Variants in NPAS3 observed in about 807,000 individuals in gnomAD.
NPAS3 encodes the protein neuronal PAS domain-containing protein 3.
In NPAS3, 14 loss-of-function variants were observed where a neutral mutation model predicts 73.1. The ratio of observed to expected loss-of-function variants is 0.19; its 90% CI spans 0.13 to 0.30. The LOEUF is 0.30. Among genes scored for constraint, NPAS3 ranks in the 10% least tolerant of loss-of-function variants. The probability of loss-of-function intolerance (pLI) is 1.00; values close to 1 mark genes in which losing one functional copy is unlikely to be tolerated. For synonymous variants in NPAS3, 620 were observed against 541.5 expected, an observed-to-expected ratio of 1.14 and a Z score of -2.01; for missense variants, 1,096 against 1,250.0, an observed-to-expected ratio of 0.88 and a Z score of 1.86.
intron 7 of NPAS3, among the ~76,000 whole-genome samples, chr14:33,765,117 G>A (rs997302316): frequency 6.6e-6 from 1 of 152,154 alleles, no homozygotes; most frequent in Non-Finnish European, 1.5e-5. Flanking sequence ...AGAAGCTAAA[G>A]CTGTAATTAT....
intron 4 of NPAS3, among the ~76,000 whole-genome samples, chr14:33,404,756 G>A (rs747016567): frequency 1.3e-5 from 2 of 152,234 alleles, no homozygotes; most frequent in African/African-American, 4.8e-5. Flanking sequence ...TGACATAGGA[G>A]TTTATGGAGA....
chr14:33,776,521 TAAAAAAAAAAAA>T (rs552348267), intron 8 of NPAS3, among the ~76,000 whole-genome samples: 522 of 31,956 alleles, frequency 0.016, 6 homozygotes, highest in African/African-American at 0.048. Flanking sequence ...TTCTTCCTCT[TAAAAAAAAAAAA>T]AAAAAAAAAA....
chr14:33,273,006 G>T (rs561174949), intron 3 of NPAS3, among the ~76,000 whole-genome samples: 16 of 152,206 alleles, frequency 1.1e-4, no homozygotes, highest in East Asian at 7.8e-4. Flanking sequence ...AAATTACTTG[G>T]TATATTCTTT....
chr14:32,992,831 C>G (rs554124290), intron 1 of NPAS3, among the ~76,000 whole-genome samples: 1 of 151,898 alleles, frequency 6.6e-6, no homozygotes, highest in East Asian at 1.9e-4. Flanking sequence ...ATAGGAAGAC[C>G]GTGATATGGA....
chr14:33,123,924 G>A lies in NPAS3; in HGVS notation c.140+67930G>A, dbSNP rs139501158. Reference sequence around the variant, plus strand: ...TCCCTGAGACTGGAGTGCAGTGGTGGGATCATAGCTCACTGCAATCTCCAC... The same window carrying A: ...TCCCTGAGACTGGAGTGCAGTGGTGAGATCATAGCTCACTGCAATCTCCAC... On this transcript the variant is annotated intron_variant, in intron 2 of 11. Transcript: ENST00000356141. 1.7e-3 allele frequency among the ~76,000 whole-genome samples: 254 copies of A among 149,836 alleles called. 1 individual carries two copies. Among genetic ancestry groups the A allele is most frequent in the African/African-American group, 5.6e-3 (228 of 40,614 alleles).
chr14:33,415,751 G>A (rs1334325694), intron 4 of NPAS3, among the ~76,000 whole-genome samples: 1 of 151,972 alleles, frequency 6.6e-6, no homozygotes, highest in Non-Finnish European at 1.5e-5. Flanking sequence ...CTGTGTTTTT[G>A]ACTCTGCCTG....
intron 3 of NPAS3, among the ~76,000 whole-genome samples, chr14:33,324,728 C>T (rs956236957): frequency 1.3e-5 from 2 of 152,084 alleles, no homozygotes; most frequent in African/African-American, 4.8e-5. Context: ...ATATATGGCT[C>T]TTTTGGTGTC....
chr14:33,732,344 G>A (rs1046605258), intron 6 of NPAS3, among the ~76,000 whole-genome samples: 9 of 152,242 alleles, frequency 5.9e-5, no homozygotes, highest in Admixed American at 1.3e-4. Flanking sequence ...CGCCTCTCAC[G>A]TGAGACAGTT....
intron 1 of NPAS3, among the ~76,000 whole-genome samples, chr14:33,018,653 A>T (rs1167019742): frequency 2.0e-5 from 3 of 152,240 alleles, no homozygotes. Flanking sequence ...AGTTGAAAGT[A>T]TAAGAAATAT....
At chr14:33,249,789 A>G (rs1441755586) in intron 3 of NPAS3, among the ~76,000 whole-genome samples, 2 of 152,052 alleles carry the variant, frequency 1.3e-5, no homozygotes, top group African/African-American at 2.4e-5. Context: ...CAAATAATGG[A>G]TACATTTGTA....
chr14:33,225,086 C>G (rs1047123256), intron 3 of NPAS3, among the ~76,000 whole-genome samples: 1 of 152,112 alleles, frequency 6.6e-6, no homozygotes, highest in Non-Finnish European at 1.5e-5. Context: ...AATATTGAGT[C>G]CCCAAATGCT....
intron 5 of NPAS3, among the ~76,000 whole-genome samples, chr14:33,655,303 C>A (rs1952594): frequency 1 from 149,178 of 149,178 alleles, 74,589 homozygotes; most frequent in Non-Finnish European, 1. Flanking sequence ...AAAAACTAGC[C>A]CAACTTTTTC....
intron 4 of NPAS3, among the ~76,000 whole-genome samples, chr14:33,467,659 G>A (rs911684519): frequency 2.0e-5 from 3 of 152,158 alleles, no homozygotes; most frequent in Middle Eastern, 3.2e-3. Context: ...TTTTGGCCTC[G>A]TCTAGGCAAA....
At chr14:33,242,121 A>C (rs2048230781) in intron 3 of NPAS3, among the ~76,000 whole-genome samples, 2 of 152,050 alleles carry the variant, frequency 1.3e-5, no homozygotes, top group Non-Finnish European at 2.9e-5. Flanking sequence ...TGGCTATCTT[A>C]TGATTCTTCA....
intron 5 of NPAS3, among the ~76,000 whole-genome samples, chr14:33,644,600 G>A (rs2058769238): frequency 2.0e-5 from 3 of 152,096 alleles, no homozygotes; most frequent in Non-Finnish European, 2.9e-5. Flanking sequence ...TTTCATACAT[G>A]AGGACACTGA....
intron 6 of NPAS3, among the ~76,000 whole-genome samples, chr14:33,699,070 A>T (rs1030192819): frequency 2.0e-5 from 3 of 152,198 alleles, no homozygotes; most frequent in Non-Finnish European, 4.4e-5. Context: ...GGCCTGTGAG[A>T]CAGACCCTAG....
At chr14:33,357,228 C>T (rs1481911029) in intron 3 of NPAS3, among the ~76,000 whole-genome samples, 1 of 152,132 alleles carries the variant, frequency 6.6e-6, no homozygotes, top group Non-Finnish European at 1.5e-5. Context: ...GTGGTGGTGG[C>T]TATGTACATT....
chr14:33,328,446 C>CTTTTTTT lies in NPAS3; in HGVS notation c.386-38708_386-38702dup, dbSNP rs58411120. The stretch of plus-strand genomic sequence containing the variant: ...TTTATCTTTCTTTTCCTTTTCTTTT[C>CTTTTTTT]TTTTTTTTTTTTTTTTTTTTTTTTT... On this transcript the variant is annotated intron_variant, in intron 3 of 11. Coordinates refer to ENST00000356141, the Ensembl canonical transcript of NPAS3. Among the ~76,000 whole-genome samples the CTTTTTTT allele has an allele frequency of 1.4e-3, 67 of 49,596 alleles. 24 individuals carry two copies. The highest frequency in any genetic ancestry group is 0.04 in the Middle Eastern group (2 of 50). 32.5% of individuals were successfully genotyped at this position (49,596 alleles called of 152,430 possible).
chr14:33,664,096 T>C (rs1401691513), intron 5 of NPAS3, among the ~76,000 whole-genome samples: 1 of 151,540 alleles, frequency 6.6e-6, no homozygotes, highest in African/African-American at 2.4e-5. Context: ...GCTGGAGACA[T>C]CATGCCACCT....
Sources: allele counts gnomAD v4.1 joint callset (sites outside exome capture counted in the v4.1 genomes callset), GRCh38; gene constraint gnomAD v4.1.1; transcripts MANE v1.5; gene names NCBI Gene and HGNC (gene_info 2026-07-23, HGNC 2026-07-21).